The following ARHGAP42 variants were observed in gnomAD, a reference collection of about 807,000 sequenced individuals.
The protein encoded by ARHGAP42 is rho GTPase-activating protein 42.
A neutral mutation model predicts 125.0 loss-of-function variants in ARHGAP42; 63 were observed. That is an observed-to-expected ratio of 0.50 (90% CI 0.41 to 0.62). The LOEUF (loss-of-function observed/expected upper bound fraction) is 0.62, where lower values mean the gene tolerates loss of function less well. Among genes scored for constraint, ARHGAP42 ranks in the 20% least tolerant of loss-of-function variants. The pLI, the probability that ARHGAP42 is intolerant of heterozygous loss-of-function variation, is 0.00. For synonymous variants in ARHGAP42, 339 were observed against 351.0 expected (o/e 0.97, Z 0.38); for missense variants, 766 against 1,024.2 (o/e 0.75, Z 3.44).
intron 3 of ARHGAP42, among the ~76,000 whole-genome samples, chr11:100,848,938 A>G (rs78746345): frequency 6.6e-6 from 1 of 152,164 alleles, no homozygotes; most frequent in Non-Finnish European, 1.5e-5. Context: ...TGATAAGTGC[A>G]GGAGAGTGTG....
rs143418516 is a variant in ARHGAP42, at chr11:100,770,458, A to G, written c.250+20A>G. Reference sequence around the variant, plus strand: ...GTATTGGTAAGTACTACTGTTTTAGAAAGTTCTATTACTAATATTTATTTT... The same window carrying G: ...GTATTGGTAAGTACTACTGTTTTAGGAAGTTCTATTACTAATATTTATTTT... On this transcript the variant is annotated intron_variant, in intron 2 of 23. Transcript: ENST00000298815. 5.8e-4 allele frequency: 851 copies of G among 1,470,070 alleles called. 8 individuals carry two copies. The African/African-American group carries it at 0.011, about 18-fold the overall frequency. The allele number at this position is 1,470,070 out of a possible 1,614,324, so 91.1% of individuals were successfully genotyped here. A position where few individuals can be genotyped will look rare whatever the true frequency, so the allele number is the denominator to read the frequency against.
chr11:100,727,975 G>A (rs1414582766), intron 1 of ARHGAP42, among the ~76,000 whole-genome samples: 2 of 152,136 alleles, frequency 1.3e-5, no homozygotes, highest in East Asian at 3.9e-4. Context: ...AAACTGTGGG[G>A]TCTGTGCTAA....
At chr11:100,864,835 A>G (rs749453411) in intron 4 of ARHGAP42, among the ~76,000 whole-genome samples, 1 of 152,180 alleles carries the variant, frequency 6.6e-6, no homozygotes, top group Non-Finnish European at 1.5e-5. Flanking sequence ...TGAACCAAGC[A>G]TAGTTAATAC....
intron 1 of ARHGAP42, among the ~76,000 whole-genome samples, chr11:100,727,897 TA>T (rs1210255166): frequency 6.6e-6 from 1 of 152,202 alleles, no homozygotes; most frequent in Non-Finnish European, 1.5e-5. Flanking sequence ...GAAGTGTGGA[TA>T]ACCTAAGGCC....
intron 12 of ARHGAP42, among the ~76,000 whole-genome samples, chr11:100,950,300 T>C (rs941088292): frequency 6.8e-6 from 1 of 146,412 alleles, no homozygotes; most frequent in Non-Finnish European, 1.5e-5. Context: ...ATATTATATA[T>C]TAATAAATAT....
intron 3 of ARHGAP42, among the ~76,000 whole-genome samples, chr11:100,807,825 A>T (rs776575887): frequency 6.6e-6 from 1 of 152,110 alleles, no homozygotes; most frequent in Admixed American, 6.5e-5. Flanking sequence ...AAATCTTTCC[A>T]TTTTTATCTT....
At chr11:100,767,874 A>G (rs1389393377) in intron 1 of ARHGAP42, among the ~76,000 whole-genome samples, 2 of 152,190 alleles carry the variant, frequency 1.3e-5, no homozygotes, top group Non-Finnish European at 2.9e-5. Context: ...TTAAAAACGA[A>G]ACTGTCTAAT....
chr11:100,788,212 C>T (rs995590895), intron 2 of ARHGAP42, among the ~76,000 whole-genome samples: 4 of 152,098 alleles, frequency 2.6e-5, no homozygotes, highest in Admixed American at 6.5e-5. Flanking sequence ...GATTCCTTGG[C>T]GATAGGATAT....
rs188386806 is a variant in ARHGAP42 at position 100,922,300 on chromosome 11, T to C, written c.597+696T>C. Among the ~76,000 whole-genome samples the C allele has an allele frequency of 3.3e-5, 5 of 152,272 alleles. No individual in the cohort carries two copies. In the East Asian group the frequency reaches 7.7e-4, roughly 24 times the overall value. On this transcript the variant is annotated intron_variant, in intron 6 of 23. Coordinates refer to ENST00000298815, the MANE Select transcript of ARHGAP42 (RefSeq NM_152432.4). ...TTTATTTTCCTAAGTCAGTGTAAAATGTAATGGATTTCCTAATGTAAACCG... is the reference window on the plus strand; with the variant it reads ...TTTATTTTCCTAAGTCAGTGTAAAACGTAATGGATTTCCTAATGTAAACCG...
At chr11:100,769,315 C>G (rs1327227623) in intron 1 of ARHGAP42, among the ~76,000 whole-genome samples, 2 of 152,128 alleles carry the variant, frequency 1.3e-5, no homozygotes, top group Non-Finnish European at 2.9e-5. Flanking sequence ...AGTGGTGGGG[C>G]TTGGATTTCC....
At chr11:100,935,147 T>A (rs889838191) in intron 7 of ARHGAP42, among the ~76,000 whole-genome samples, 20 of 146,712 alleles carry the variant, frequency 1.4e-4, no homozygotes, top group East Asian at 1.9e-4. Context: ...TTTTTTTTTT[T>A]AAAATGGGGA....
intron 1 of ARHGAP42, among the ~76,000 whole-genome samples, chr11:100,716,822 T>G (rs1467350382): frequency 6.6e-6 from 1 of 152,122 alleles, no homozygotes; most frequent in Non-Finnish European, 1.5e-5. Context: ...AAAACTATCT[T>G]TAGGTTATTT....
chr11:100,875,567 C>T (rs563459047), intron 4 of ARHGAP42, among the ~76,000 whole-genome samples: 2 of 152,280 alleles, frequency 1.3e-5, no homozygotes, highest in South Asian at 4.1e-4. Flanking sequence ...CAGCCACTCT[C>T]GGCCGAGACG....
chr11:100,983,290 A>G (rs1591340171), intron 22 of ARHGAP42, among the ~76,000 whole-genome samples: 2 of 152,262 alleles, frequency 1.3e-5, no homozygotes, highest in Admixed American at 6.5e-5. Context: ...AAATAACATA[A>G]TGTTAATGAA....
intron 10 of ARHGAP42, 69 bp from the exon 11 acceptor site, chr11:100,948,388 C>A: frequency 9.0e-7 from 1 of 1,115,982 alleles, no homozygotes; most frequent in Non-Finnish European, 1.2e-6. Context: ...CAAATTTTAT[C>A]TTTTTAGTTA....
chr11:100,971,716 G>A (rs147085968), intron 17 of ARHGAP42, among the ~76,000 whole-genome samples: 2 of 152,224 alleles, frequency 1.3e-5, no homozygotes, highest in African/African-American at 4.8e-5. Flanking sequence ...ATTTTAGCAA[G>A]AGTGCCTAAA....
chr11:100,761,251 A>T (rs1413604419), intron 1 of ARHGAP42, among the ~76,000 whole-genome samples: 1 of 152,164 alleles, frequency 6.6e-6, no homozygotes, highest in Non-Finnish European at 1.5e-5. Context: ...CTTTACAAAG[A>T]GAAACAGTAT....
At chr11:100,852,695 A>G (rs891984853) in intron 3 of ARHGAP42, among the ~76,000 whole-genome samples, 18 of 152,138 alleles carry the variant, frequency 1.2e-4, no homozygotes, top group African/African-American at 3.9e-4. Context: ...AGGTGGGAGA[A>G]TGGGAGGAGG....
chr11:100,775,426 A>G (rs1006269699), intron 2 of ARHGAP42, among the ~76,000 whole-genome samples: 9 of 152,232 alleles, frequency 5.9e-5, no homozygotes, highest in Non-Finnish European at 1.3e-4. Flanking sequence ...CACAAGTAAT[A>G]TGTATGTAAA....
Sources: allele counts gnomAD v4.1 joint callset (sites outside exome capture counted in the v4.1 genomes callset), GRCh38; gene constraint gnomAD v4.1.1; transcripts MANE v1.5; gene names NCBI Gene and HGNC (gene_info 2026-07-23, HGNC 2026-07-21).